The following ARID4B variants were observed in gnomAD, a reference collection of about 807,000 sequenced individuals.
The protein encoded by ARID4B is AT-rich interactive domain-containing protein 4B.
In ARID4B, 26 loss-of-function variants were observed where a neutral mutation model predicts 147.5. The observed-to-expected ratio is 0.18, with a 90% CI of 0.13 to 0.24. The LOEUF is 0.24. Among genes scored for constraint, ARID4B ranks in the 10% least tolerant of loss-of-function variants. The pLI, the probability that ARID4B is intolerant of heterozygous loss-of-function variation, is 1.00. For missense variants in ARID4B, 1,179 were observed against 1,511.5 expected, an observed-to-expected ratio of 0.78 and a Z score of 3.65; for synonymous variants, 512 against 507.9, an observed-to-expected ratio of 1.01 and a Z score of -0.11.
intron 23 of ARID4B, among the ~76,000 whole-genome samples, chr1:235,171,917 C>T (rs905730944): frequency 6.6e-6 from 1 of 152,184 alleles, no homozygotes; most frequent in Non-Finnish European, 1.5e-5. Flanking sequence ...GCTGGGATTA[C>T]AGGCATGAGC....
intron 17 of ARID4B, among the ~76,000 whole-genome samples, chr1:235,200,790 G>C (rs12749180): frequency 0.29 from 44,183 of 152,026 alleles, 7,543 homozygotes; most frequent in South Asian, 0.53. Context: ...TAAGAAAATA[G>C]TCAATGCAGA....
intron 16 of ARID4B, among the ~76,000 whole-genome samples, chr1:235,218,824 T>C (rs970057505): frequency 6.6e-6 from 1 of 152,074 alleles, no homozygotes; most frequent in Non-Finnish European, 1.5e-5. Flanking sequence ...CCCTTCCCTG[T>C]TCGTCTGCAT....
At chr1:235,258,033 A>C (rs1177824089) in intron 3 of ARID4B, among the ~76,000 whole-genome samples, 2 of 152,126 alleles carry the variant, frequency 1.3e-5, no homozygotes, top group Non-Finnish European at 2.9e-5. Flanking sequence ...TTTTGTTGAT[A>C]AGAAAACTGA....
chr1:235,196,685 C>G (rs1665513734), intron 17 of ARID4B, among the ~76,000 whole-genome samples: 1 of 151,846 alleles, frequency 6.6e-6, no homozygotes, highest in Non-Finnish European at 1.5e-5. Context: ...AACCCCATCT[C>G]TACTAAAAAT....
chr1:235,256,685 C>G (rs1670011333), intron 4 of ARID4B, among the ~76,000 whole-genome samples: 1 of 152,090 alleles, frequency 6.6e-6, no homozygotes, highest in African/African-American at 2.4e-5. Context: ...TTTTGGTTTT[C>G]TAACTTTCTC....
rs71576468 is a variant in ARID4B at position 235,277,594 on chromosome 1, T to TTGTG, written c.7-16846_7-16843dup. Among the ~76,000 whole-genome samples the TTGTG allele has an allele frequency of 3.3e-3, 432 of 129,606 alleles. 8 individuals are homozygous for TTGTG. Among genetic ancestry groups the TTGTG allele is most frequent in the African/African-American group, 0.012 (383 of 32,874 alleles). 85.0% of individuals were successfully genotyped at this position (129,606 alleles called of 152,430 possible). A position where few individuals can be genotyped will look rare whatever the true frequency, so the allele number is the denominator to read the frequency against. ...ATGAGACCATTTTTAATGCCTTATA[T>TTGTG]TGTGTGTGTGTGTGTGTGTGTGTGT... On this transcript the variant is annotated intron_variant, in intron 2 of 23. Coordinates refer to ENST00000264183, the MANE Select transcript of ARID4B (RefSeq NM_016374.6).
At chr1:235,215,338 G>A (rs770640017) in intron 16 of ARID4B, among the ~76,000 whole-genome samples, 1 of 151,830 alleles carries the variant, frequency 6.6e-6, no homozygotes, top group East Asian at 1.9e-4. Context: ...GGTTTTATTT[G>A]CTGTCCTGTA....
chr1:235,277,594 TTGTGTG>T (rs71576468), intron 2 of ARID4B, among the ~76,000 whole-genome samples: 22,054 of 129,366 alleles, frequency 0.17, 2,594 homozygotes, highest in African/African-American at 0.34. Context: ...ATGCCTTATA[TTGTGTG>T]TGTGTGTGTG....
chr1:235,281,637 G>A (rs1387634239), intron 2 of ARID4B, among the ~76,000 whole-genome samples: 1 of 152,142 alleles, frequency 6.6e-6, no homozygotes, highest in Non-Finnish European at 1.5e-5. Flanking sequence ...TTGAGCCCAG[G>A]AGATCAAGCC....
At chr1:235,229,082 T>G (rs1692523473) in intron 11 of ARID4B, 149 bp downstream of exon 11, 2 of 921,002 alleles carry the variant, frequency 2.2e-6, no homozygotes, top group Non-Finnish European at 3.2e-6. Context: ...GTAAACTATC[T>G]GATTATGAGG....
In ARID4B at chr1:235,179,525, CAAAAAAAAAAAAA is replaced by C. The variant is rs61143006; in HGVS notation, c.3335-1625_3335-1613del. ...GCAACAAGAGCAAAACTCTATGTCT[CAAAAAAAAAAAAA>C]AAAAAAAAAAAAAAACCCAACAAAA... On this transcript the variant is annotated intron_variant, in intron 20 of 23. Transcript: ENST00000264183. Among the ~76,000 whole-genome samples, 15 of 48,360 alleles carry C rather than the reference CAAAAAAAAAAAAA, an allele frequency of 3.1e-4. 1 individual carries two copies. Among genetic ancestry groups the C allele is most frequent in the Non-Finnish European group, 3.1e-4 (7 of 22,316 alleles). The allele number at this position is 48,360 out of a possible 152,430, so 31.7% of individuals were successfully genotyped here.
intron 2 of ARID4B, among the ~76,000 whole-genome samples, chr1:235,274,239 G>T (rs1671168277): frequency 6.6e-6 from 1 of 152,020 alleles, no homozygotes; most frequent in African/African-American, 2.4e-5. Context: ...AAATTAGCTG[G>T]GCGTGGTGGT....
chr1:235,308,476 CCCACGGTCTCCCTCTCCCTCTCTTT>C (rs1434819861), intron 2 of ARID4B, among the ~76,000 whole-genome samples: 20 of 147,572 alleles, frequency 1.4e-4, no homozygotes, highest in African/African-American at 4.4e-4. Context: ...TATCCCTCTC[CCCACGGTCTCCCTCTCCCTCTCTTT>C]CCACGGTCTC....
intron 7 of ARID4B, among the ~76,000 whole-genome samples, chr1:235,242,704 A>C (rs1330862790): frequency 6.6e-6 from 1 of 152,212 alleles, no homozygotes; most frequent in Non-Finnish European, 1.5e-5. Context: ...TTAAGACTTA[A>C]CAAGTGTTAA....
chr1:235,292,352 G>A (rs961230403), intron 2 of ARID4B, among the ~76,000 whole-genome samples: 12 of 152,250 alleles, frequency 7.9e-5, no homozygotes, highest in Admixed American at 3.3e-4. Flanking sequence ...AGTGGCTCAC[G>A]CCTGTAATCC....
At chr1:235,224,916 A>C (rs1667727097) in intron 11 of ARID4B, 141 bp from the exon 12 acceptor site, 1 of 618,734 alleles carries the variant, frequency 1.6e-6, no homozygotes, top group East Asian at 2.9e-5. Flanking sequence ...CTCTTTTAAC[A>C]CTAAGCTGTT....
chr1:235,283,951 G>T (rs1180074839), intron 2 of ARID4B, among the ~76,000 whole-genome samples: 1 of 151,866 alleles, frequency 6.6e-6, no homozygotes, highest in African/African-American at 2.4e-5. Context: ...TGGCCAGACT[G>T]GTCTCAAACT....
chr1:235,248,448 C>A (rs553199399), intron 6 of ARID4B, among the ~76,000 whole-genome samples: 2 of 152,216 alleles, frequency 1.3e-5, no homozygotes, highest in Non-Finnish European at 1.5e-5. Context: ...TAGAGTATTA[C>A]TAAATGACTT....
At chr1:235,258,316 G>A (rs890544122) in intron 3 of ARID4B, among the ~76,000 whole-genome samples, 7 of 152,022 alleles carry the variant, frequency 4.6e-5, no homozygotes, top group Non-Finnish European at 1.0e-4. Flanking sequence ...TGGGGGACAG[G>A]GCAAGACTCC....
Sources: gnomAD v4.1 joint callset for allele counts (sites outside exome capture counted in the v4.1 genomes callset) on GRCh38, gnomAD v4.1.1 for gene constraint, MANE v1.5 for transcripts, NCBI Gene and HGNC (gene_info 2026-07-23, HGNC 2026-07-21) for gene names.